Variants in SLC2A13 observed in about 807,000 individuals in gnomAD.
The protein encoded by SLC2A13 is proton myo-inositol cotransporter.
Under a neutral mutation model 64.4 loss-of-function variants are expected in SLC2A13, and 32 were observed. The observed-to-expected ratio is 0.50, with a 90% confidence interval of 0.37 to 0.67. The LOEUF is 0.67. Among genes scored for constraint, SLC2A13 ranks in the 30% least tolerant of loss-of-function variants. The pLI, the probability that SLC2A13 is intolerant of heterozygous loss-of-function variation, is 0.00. For synonymous variants in SLC2A13, 338 were observed against 327.1 expected, an observed-to-expected ratio of 1.03 and a Z score of -0.36; for missense variants, 743 against 829.2, an observed-to-expected ratio of 0.90 and a Z score of 1.28.
chr12:39,769,507 AATAT>A (rs2135721253), intron 7 of SLC2A13, among the ~76,000 whole-genome samples: 1 of 146,408 alleles, frequency 6.8e-6, no homozygotes, highest in Admixed American at 7.0e-5. Flanking sequence ...TTTTTCTCTC[AATAT>A]TTGAGAAAAG....
intron 2 of SLC2A13, among the ~76,000 whole-genome samples, chr12:40,039,083 A>C (rs904689621): frequency 3.9e-5 from 6 of 152,214 alleles, no homozygotes; most frequent in Admixed American, 3.9e-4. Context: ...CTGCCAGCTG[A>C]TAATTTTTGC....
chr12:40,008,355 C>A (rs1947460374), intron 3 of SLC2A13, among the ~76,000 whole-genome samples: 1 of 152,102 alleles, frequency 6.6e-6, no homozygotes, highest in Non-Finnish European at 1.5e-5. Flanking sequence ...TGCCTGTAAT[C>A]CCAGCACTTT....
intron 1 of SLC2A13, among the ~76,000 whole-genome samples, chr12:40,099,578 C>T (rs1247054661): frequency 6.6e-6 from 1 of 152,160 alleles, no homozygotes; most frequent in Non-Finnish European, 1.5e-5. Flanking sequence ...ACAATGTTTT[C>T]CAAGGAAGTC....
chr12:39,877,292 G>A (rs1239026923), intron 4 of SLC2A13, among the ~76,000 whole-genome samples: 1 of 152,186 alleles, frequency 6.6e-6, no homozygotes, highest in Non-Finnish European at 1.5e-5. Context: ...GCAAAGGTAT[G>A]TCTTACACGG....
intron 4 of SLC2A13, among the ~76,000 whole-genome samples, chr12:39,895,785 C>T (rs375899426): frequency 0.039 from 383 of 9,850 alleles, 120 homozygotes; most frequent in African/African-American, 0.051. Flanking sequence ...TGCGTGTATA[C>T]GTACACACAT....
Position 40,105,296 on chromosome 12 carries a change from C to G in SLC2A13, c.513G>C (p.Lys171Asn), listed in dbSNP as rs781326099. The stretch of plus-strand genomic sequence containing the variant: ...CCAGGCGGCCGGCGAGCAGTGTCTC[C>G]TTGTTGTTGGCCGCAGCCAGCACCG... ...GSAVLAAANNKETLLAGRLVV... is the reference protein window; with the variant it reads ...GSAVLAAANNNETLLAGRLVV... Residue 171 changes from lysine to asparagine, a missense_variant, in exon 1 of 10, where the codon AAG (lysine) becomes AAC (asparagine). Lys to Asn is a moderately conservative substitution (Grantham distance 94, BLOSUM62 0). Transcript: ENST00000280871. This position sits in a 1 kb window ranked among gnomAD's most constrained non-coding sequence, Gnocchi z 4.2. 1.9e-6 allele frequency: 3 copies of G among 1,602,344 alleles called. No individual in the cohort carries two copies. The highest frequency in any genetic ancestry group is 4.5e-5 in the East Asian group (2 of 44,192).
At chr12:39,880,257 A>G (rs1944306062) in intron 4 of SLC2A13, among the ~76,000 whole-genome samples, 1 of 152,242 alleles carries the variant, frequency 6.6e-6, no homozygotes. Context: ...TAGCAATGCA[A>G]GAATGGCCTA....
chr12:39,808,020 C>T (rs1215094018), intron 7 of SLC2A13, among the ~76,000 whole-genome samples: 1 of 152,092 alleles, frequency 6.6e-6, no homozygotes. Context: ...ACCAATTTTA[C>T]GTGTAAGTCA....
rs1253207848 is a variant in SLC2A13 at position 40,105,996 on chromosome 12, C to T, written c.-188G>A. 3 of 603,896 alleles carry T rather than the reference C, an allele frequency of 5.0e-6. No individual in the cohort carries two copies. The highest frequency in any genetic ancestry group is 1.9e-5 in the African/African-American group (1 of 51,328). 37.4% of individuals were successfully genotyped at this position (603,896 alleles called of 1,614,324 possible). ...CCGGGGAGAAAGTTGCTGCCCGCCG[C>T]GCTCCGACGCTGCGGAGTTGGAGCC... On this transcript the variant is annotated 5_prime_UTR_variant, in exon 1 of 10. Transcript: ENST00000280871. The surrounding 1 kb of genome is among the most constrained non-coding windows in gnomAD (Gnocchi z 4.2).
chr12:40,105,816 G>A lies in SLC2A13; in HGVS notation c.-8C>T. 6.9e-7 allele frequency: 1 copy of A among 1,441,192 alleles called. No homozygotes were observed. Among genetic ancestry groups the A allele is most frequent in the Middle Eastern group, 2.1e-4 (1 of 4,690 alleles). 89.3% of individuals were successfully genotyped at this position (1,441,192 alleles called of 1,614,324 possible). ...GCTTGCCTTGCGGGACATAGGGCAG[G>A]GGCCCGGGGCTGCCCGGGGGGACGC... On this transcript the variant is annotated 5_prime_UTR_variant, in exon 1 of 10. Coordinates refer to ENST00000280871, the MANE Select transcript of SLC2A13 (RefSeq NM_052885.4). The surrounding 1 kb of genome is among the most constrained non-coding windows in gnomAD (Gnocchi z 4.2).
intron 3 of SLC2A13, among the ~76,000 whole-genome samples, chr12:40,002,933 C>A (rs571409191): frequency 1.3e-5 from 2 of 151,804 alleles, no homozygotes; most frequent in Non-Finnish European, 2.9e-5. Flanking sequence ...TTTTGTTAGC[C>A]AAAAAAAGCA....
chr12:39,852,902 A>C (rs1943508231), intron 6 of SLC2A13, among the ~76,000 whole-genome samples: 1 of 152,134 alleles, frequency 6.6e-6, no homozygotes, highest in South Asian at 2.1e-4. Context: ...CTTCATTCAC[A>C]TAGGGTGTAA....
chr12:40,099,889 G>A (rs1049891635), intron 1 of SLC2A13, among the ~76,000 whole-genome samples: 11 of 150,554 alleles, frequency 7.3e-5, no homozygotes, highest in Non-Finnish European at 3.0e-5. Flanking sequence ...GAAAGAAAGT[G>A]GGGAGTAGTG....
intron 7 of SLC2A13, among the ~76,000 whole-genome samples, chr12:39,812,367 CTTTTCTTTTCT>C (rs1204529439): frequency 1.4e-5 from 2 of 142,534 alleles, no homozygotes; most frequent in African/African-American, 5.4e-5. Context: ...CTTTTCTTTT[CTTTTCTTTTCT>C]TTTCTTTCTT....
chr12:39,906,016 A>G (rs918187836), intron 4 of SLC2A13, among the ~76,000 whole-genome samples: 2 of 152,172 alleles, frequency 1.3e-5, no homozygotes, highest in African/African-American at 4.8e-5. Context: ...GAGGACTCTC[A>G]TAATCTGTAA....
At chr12:39,868,219 T>A (rs1943956147) in intron 5 of SLC2A13, among the ~76,000 whole-genome samples, 1 of 152,212 alleles carries the variant, frequency 6.6e-6, no homozygotes, top group African/African-American at 2.4e-5. Context: ...TCTTTATGTT[T>A]CAAGAGAAGA....
At chr12:39,848,411 G>A (rs745977992) in intron 6 of SLC2A13, among the ~76,000 whole-genome samples, 39 of 152,000 alleles carry the variant, frequency 2.6e-4, no homozygotes, top group Non-Finnish European at 4.9e-4. Context: ...CAGCCAAGGA[G>A]CATATGAAAA....
intron 4 of SLC2A13, among the ~76,000 whole-genome samples, chr12:39,924,916 C>T (rs1299142927): frequency 6.6e-6 from 1 of 151,578 alleles, no homozygotes; most frequent in East Asian, 1.9e-4. Context: ...CTGCCAAAGA[C>T]TATCCGTTTA....
At chr12:40,040,185 A>G (rs143066975) in intron 2 of SLC2A13, among the ~76,000 whole-genome samples, 2 of 152,232 alleles carry the variant, frequency 1.3e-5, no homozygotes, top group Non-Finnish European at 1.5e-5. Context: ...AGCACTGAAG[A>G]GTTTGTAAGT....
Sources: gnomAD v4.1 joint callset for allele counts (sites outside exome capture counted in the v4.1 genomes callset) on GRCh38, gnomAD v4.1.1 for gene constraint, Gnocchi (gnomAD v3.1) non-coding constraint, MANE v1.5 for transcripts, NCBI Gene and HGNC (gene_info 2026-07-23, HGNC 2026-07-21) for gene names.